Variants in GALNT14 observed in about 807,000 individuals in gnomAD.
GALNT14 encodes the protein UDP-GalNAc:polypeptide N-acetylgalactosaminyltransferase 14.
Under a neutral mutation model 77.5 loss-of-function variants are expected in GALNT14, and 60 were observed. The observed-to-expected ratio is 0.77, with a 90% CI of 0.63 to 0.96. The LOEUF (loss-of-function observed/expected upper bound fraction) is 0.96. Ranked by LOEUF, GALNT14 falls within the 40% of genes least tolerant of loss-of-function variation. The probability of loss-of-function intolerance (pLI) is 0.00; values close to 1 mark genes in which losing one functional copy is unlikely to be tolerated. For synonymous variants in GALNT14, 280 were observed against 281.7 expected (o/e 0.99, Z 0.06); for missense variants, 710 against 731.0 (o/e 0.97, Z 0.33).
At chr2:30,966,055 A>C in intron 3 of GALNT14, 149 bp downstream of exon 3, 1 of 610,294 alleles carries the variant, frequency 1.6e-6, no homozygotes, top group South Asian at 2.0e-5. Context: ...GGAGTGACTG[A>C]GTGGACACAT....
chr2:31,093,287 A>G (rs557802542), intron 1 of GALNT14, among the ~76,000 whole-genome samples: 1 of 152,326 alleles, frequency 6.6e-6, no homozygotes, highest in South Asian at 2.1e-4. Flanking sequence ...CCTGGCTCCA[A>G]ACTCTTCATG....
chr2:30,932,598 G>A (rs1251151420), intron 9 of GALNT14, among the ~76,000 whole-genome samples: 1 of 152,202 alleles, frequency 6.6e-6, no homozygotes, highest in Non-Finnish European at 1.5e-5. Context: ...CAGAGGGTTA[G>A]AGTCAGGACC....
At chr2:30,935,374 T>C (rs1665989623) in intron 9 of GALNT14, among the ~76,000 whole-genome samples, 1 of 152,156 alleles carries the variant, frequency 6.6e-6, no homozygotes, top group African/African-American at 2.4e-5. Flanking sequence ...GAGTGACAAA[T>C]ACATAGTTAG....
intron 1 of GALNT14, among the ~76,000 whole-genome samples, chr2:31,100,354 C>T (rs747462160): frequency 6.6e-6 from 1 of 151,976 alleles, no homozygotes; most frequent in African/African-American, 2.4e-5. Context: ...TGAGGACTTA[C>T]TGTATTCTGT....
In GALNT14 at chr2:30,977,092, C is replaced by CTTT. The variant is rs11314175; in HGVS notation, c.300-10793_300-10791dup. Among the ~76,000 whole-genome samples, 338 of 135,124 alleles carry CTTT rather than the reference C, an allele frequency of 2.5e-3. 18 individuals are homozygous for CTTT. The highest frequency in any genetic ancestry group is 8.5e-3 in the African/African-American group (277 of 32,616). 88.6% of individuals were successfully genotyped at this position (135,124 alleles called of 152,430 possible). On this transcript the variant is annotated intron_variant, in intron 2 of 14. Transcript: ENST00000349752. Reference sequence around the variant, plus strand: ...CTTTATTCCATATTGGCTTTTCTGTCTTTTTTTTTTTTTTTGAGACAGGGT... The same window carrying CTTT: ...CTTTATTCCATATTGGCTTTTCTGTCTTTTTTTTTTTTTTTTTTGAGACAGGGT...
At chr2:30,999,200 C>T (rs1670213899) in intron 1 of GALNT14, among the ~76,000 whole-genome samples, 2 of 152,244 alleles carry the variant, frequency 1.3e-5, no homozygotes. Flanking sequence ...TAACATGCCA[C>T]TGCCCCATGG....
chr2:30,926,540 TATC>T (rs1191087006), intron 11 of GALNT14, among the ~76,000 whole-genome samples: 2 of 152,120 alleles, frequency 1.3e-5, no homozygotes, highest in African/African-American at 4.8e-5. Context: ...GAGATGCAAA[TATC>T]AGCAGCATAG....
intron 6 of GALNT14, among the ~76,000 whole-genome samples, chr2:30,949,823 G>A (rs779509482): frequency 4.9e-4 from 75 of 152,236 alleles, no homozygotes; most frequent in Non-Finnish European, 7.3e-4. Context: ...GCGAGGACAG[G>A]TGAGTAGATG....
chr2:30,932,337 G>C (rs1365904998), intron 9 of GALNT14, 143 bp from the exon 10 acceptor site: 2 of 730,234 alleles, frequency 2.7e-6, no homozygotes, highest in Non-Finnish European at 4.1e-6. Flanking sequence ...CTGGCTGAGA[G>C]ACCTCAGTTT....
intron 6 of GALNT14, among the ~76,000 whole-genome samples, chr2:30,953,944 C>T (rs761143683): frequency 6.6e-6 from 1 of 152,138 alleles, no homozygotes; most frequent in East Asian, 1.9e-4. Context: ...GGCAGGGTGG[C>T]CACAAGGAGT....
chr2:31,063,599 A>C (rs900709148), intron 1 of GALNT14, among the ~76,000 whole-genome samples: 1 of 152,202 alleles, frequency 6.6e-6, no homozygotes, highest in African/African-American at 2.4e-5. Context: ...CTGTGAAGAA[A>C]ATCAATAGTA....
intron 2 of GALNT14, among the ~76,000 whole-genome samples, chr2:30,988,751 T>C (rs1349771233): frequency 6.6e-6 from 1 of 152,202 alleles, no homozygotes; most frequent in Non-Finnish European, 1.5e-5. Flanking sequence ...CTGTAGCTCT[T>C]GCCGAGACAC....
chr2:30,991,933 C>T (rs1332894610), intron 2 of GALNT14, among the ~76,000 whole-genome samples: 1 of 152,180 alleles, frequency 6.6e-6, no homozygotes. Flanking sequence ...CAGACCCAAA[C>T]AAATATAAGA....
chr2:30,979,948 T>G (rs1348114393), intron 2 of GALNT14, among the ~76,000 whole-genome samples: 1 of 152,212 alleles, frequency 6.6e-6, no homozygotes, highest in Admixed American at 6.5e-5. Flanking sequence ...GGCCTTGGCT[T>G]CCATCCCCAG....
intron 3 of GALNT14, among the ~76,000 whole-genome samples, chr2:30,959,233 T>C (rs1667543177): frequency 6.6e-6 from 1 of 152,266 alleles, no homozygotes; most frequent in South Asian, 2.1e-4. Flanking sequence ...GATCTCCTAG[T>C]AGTTTGTATC....
intron 1 of GALNT14, among the ~76,000 whole-genome samples, chr2:31,109,613 A>C (rs1241203601): frequency 6.6e-6 from 1 of 152,228 alleles, no homozygotes; most frequent in Non-Finnish European, 1.5e-5. Context: ...CTCACACAGG[A>C]ACTGGCCCCA....
chr2:31,127,135 C>T (rs1678742589), intron 1 of GALNT14, among the ~76,000 whole-genome samples: 1 of 152,150 alleles, frequency 6.6e-6, no homozygotes, highest in Non-Finnish European at 1.5e-5. Context: ...GTAACCAGCC[C>T]CCCAATCAAG....
intron 1 of GALNT14, among the ~76,000 whole-genome samples, chr2:31,117,652 T>C (rs914805452): frequency 6.6e-6 from 1 of 152,184 alleles, no homozygotes; most frequent in African/African-American, 2.4e-5. Context: ...GGTAAAATTT[T>C]AAAACCTAAA....
intron 2 of GALNT14, among the ~76,000 whole-genome samples, chr2:30,989,550 G>A (rs1168379803): frequency 2.7e-5 from 2 of 75,320 alleles, no homozygotes; most frequent in African/African-American, 5.6e-5. Flanking sequence ...CTATTAGGTA[G>A]GTAAATACCT....
Sources: gnomAD v4.1 joint callset for allele counts (sites outside exome capture counted in the v4.1 genomes callset) on GRCh38, gnomAD v4.1.1 for gene constraint, MANE v1.5 for transcripts, NCBI Gene and HGNC (gene_info 2026-07-23, HGNC 2026-07-21) for gene names.